SSH1: variants seen among roughly 807,000 people sequenced by gnomAD.
SSH1 encodes the protein slingshot protein phosphatase 1, also known as protein phosphatase Slingshot homolog 1.
Under a neutral mutation model 79.7 loss-of-function variants are expected in SSH1, and 43 were observed. That is an observed-to-expected ratio of 0.54 (90% CI 0.42 to 0.70). The LOEUF is 0.70. SSH1 is among the 30% of genes least tolerant of loss of function. The pLI is 0.00. For missense variants in SSH1, 1,206 were observed against 1,358.8 expected (o/e 0.89, Z 1.77); for synonymous variants, 599 against 538.3 (o/e 1.11, Z -1.56).
chr12:108,847,887 T>C (rs555669745), intron 2 of SSH1, among the ~76,000 whole-genome samples: 2 of 152,300 alleles, frequency 1.3e-5, no homozygotes, highest in African/African-American at 4.8e-5. Context: ...CTGTCACAGA[T>C]AGGGATGCCA....
At chr12:108,851,743 A>G (rs771425486) in intron 2 of SSH1, among the ~76,000 whole-genome samples, 4 of 152,174 alleles carry the variant, frequency 2.6e-5, no homozygotes, top group Non-Finnish European at 5.9e-5. Context: ...AGCACAATTA[A>G]AGCACCCTGA....
At chr12:108,792,029 G>C in intron 14 of SSH1, 1 of 1,429,302 alleles carries the variant, frequency 7.0e-7, no homozygotes. Flanking sequence ...ATGGTGTGCA[G>C]AGATATGTGT....
Position 108,780,387 on chromosome 12 carries a change from C to T in SSH1, c.*7601G>A, listed in dbSNP as rs953000002. 2.6e-5 allele frequency: 4 copies of T among 152,214 alleles called. No homozygotes were observed. The highest frequency in any genetic ancestry group is 5.9e-5 in the Non-Finnish European group (4 of 68,044). The allele number at this position is 152,214 out of a possible 1,614,324, so 9.4% of individuals were successfully genotyped here. ...AGCAGCCCATTACAGGAATATTGTC[C>T]TAGGGCCTTGAACAAATAAGTATCG... On this transcript the variant is annotated 3_prime_UTR_variant, in exon 15 of 15. Coordinates refer to ENST00000326495, the MANE Select transcript of SSH1 (RefSeq NM_018984.4).
chr12:108,823,385 C>CAG, intron 2 of SSH1, 24 bp from the exon 3 acceptor site: 1 of 1,542,932 alleles, frequency 6.5e-7, no homozygotes. Context: ...GACCAGAGCA[C>CAG]AGTTAGACCG....
chr12:108,844,825 C>G (rs2038861211), intron 2 of SSH1, among the ~76,000 whole-genome samples: 1 of 152,134 alleles, frequency 6.6e-6, no homozygotes, highest in Admixed American at 6.5e-5. Context: ...AAAATGAATT[C>G]AGGCCAGGCG....
intron 3 of SSH1, among the ~76,000 whole-genome samples, chr12:108,821,503 A>G (rs1260893530): frequency 1.3e-5 from 2 of 152,312 alleles, no homozygotes; most frequent in African/African-American, 4.8e-5. Context: ...ATATATATAT[A>G]CAGCACCTAC....
At chr12:108,803,489 G>A (rs1417203586) in intron 10 of SSH1, among the ~76,000 whole-genome samples, 1 of 76,660 alleles carries the variant, frequency 1.3e-5, no homozygotes, top group Non-Finnish European at 2.8e-5. Flanking sequence ...GTTCCCAAGA[G>A]GGCAGACCCC....
At position 108,805,475 on chromosome 12, in the gene SSH1, T is replaced by C. The variant is rs148772693; in HGVS notation, c.826-291A>G. The stretch of plus-strand genomic sequence containing the variant: ...TTTAAACTTACTTTTACTTTTATAA[T>C]TAAATGTCAAATACATCAAATAATC... On this transcript the variant is annotated intron_variant, in intron 9 of 14. Coordinates refer to ENST00000326495, the MANE Select transcript of SSH1 (RefSeq NM_018984.4). Among the ~76,000 whole-genome samples, 658 of 152,342 alleles carry C rather than the reference T, an allele frequency of 4.3e-3. 1 individual carries two copies. The highest frequency in any genetic ancestry group is 0.015 in the African/African-American group (616 of 41,572).
rs1051337217 is a variant in SSH1, at chr12:108,788,582, C to T, written c.2556G>A (p.Glu852=). ...PSRDGPASRL[E]ASIPEESQDP... ...CCTGGCTCTCCTCGGGGATGCTGGCCTCCAGCCTGCTGGCAGGGCCATCCC... is the reference window on the plus strand; with the variant it reads ...CCTGGCTCTCCTCGGGGATGCTGGCTTCCAGCCTGCTGGCAGGGCCATCCC... Residue 852 remains glutamate, a synonymous_variant, in exon 15 of 15, where the codon GAG becomes GAA. Transcript: ENST00000326495. The T allele has an allele frequency of 1.2e-6, 2 of 1,603,054 alleles. No homozygotes were observed. Among genetic ancestry groups the T allele is most frequent in the Admixed American group, 3.4e-5 (2 of 59,386 alleles).
chr12:108,799,646 C>A (rs2036902789), intron 12 of SSH1, among the ~76,000 whole-genome samples: 1 of 152,130 alleles, frequency 6.6e-6, no homozygotes, highest in South Asian at 2.1e-4. Flanking sequence ...TGAGTTACTG[C>A]AGAAAAATGG....
intron 5 of SSH1, among the ~76,000 whole-genome samples, chr12:108,815,691 A>G (rs990433843): frequency 6.6e-6 from 1 of 152,124 alleles, no homozygotes; most frequent in Admixed American, 6.5e-5. Flanking sequence ...GGCTCTTCAG[A>G]GCTCACATCC....
chr12:108,795,570 C>T (rs1288097481), intron 13 of SSH1, among the ~76,000 whole-genome samples: 1 of 150,068 alleles, frequency 6.7e-6, no homozygotes, highest in African/African-American at 2.4e-5. Context: ...AGCTAAAATA[C>T]ATATAATATA....
chr12:108,791,668 A>T (rs2036506384), intron 14 of SSH1, among the ~76,000 whole-genome samples: 1 of 152,128 alleles, frequency 6.6e-6, no homozygotes, highest in African/African-American at 2.4e-5. Context: ...CTGAGGTAGG[A>T]GGATCACTTG....
intron 2 of SSH1, 51 bp downstream of exon 2, chr12:108,852,587 C>T (rs2039064835): frequency 6.2e-7 from 1 of 1,609,814 alleles, no homozygotes; most frequent in South Asian, 1.1e-5. Flanking sequence ...AAGAGCATTC[C>T]TTACCTGCTT....
chr12:108,791,564 G>A (rs1332738886), intron 14 of SSH1, among the ~76,000 whole-genome samples: 1 of 152,128 alleles, frequency 6.6e-6, no homozygotes, highest in African/African-American at 2.4e-5. Context: ...CTTGAGACCA[G>A]GCTGGGCAAC....
chr12:108,784,281 G>T lies in SSH1; in HGVS notation c.*3707C>A, dbSNP rs890602501. On this transcript the variant is annotated 3_prime_UTR_variant, in exon 15 of 15. Transcript: ENST00000326495. The stretch of plus-strand genomic sequence containing the variant: ...TTCTGTTCAAGCTCAGCTCCACACT[G>T]CTGCAAACTCTGGACTTCTCCAGGG... 2.6e-5 allele frequency: 4 copies of T among 152,372 alleles called. No homozygotes were observed. The highest frequency in any genetic ancestry group is 9.6e-5 in the African/African-American group (4 of 41,456). 9.4% of individuals were successfully genotyped at this position (152,372 alleles called of 1,614,324 possible). A position where few individuals can be genotyped will look rare whatever the true frequency, so the allele number is the denominator to read the frequency against.
intron 2 of SSH1, among the ~76,000 whole-genome samples, chr12:108,851,666 T>C (rs2039042291): frequency 6.6e-6 from 1 of 152,200 alleles, no homozygotes; most frequent in South Asian, 2.1e-4. Context: ...TGTCCATTAG[T>C]GAATACATCA....
In SSH1 at chr12:108,784,791, G is replaced by A. The variant is rs567541420; in HGVS notation, c.*3197C>T. On this transcript the variant is annotated 3_prime_UTR_variant, in exon 15 of 15. Coordinates refer to ENST00000326495, the MANE Select transcript of SSH1 (RefSeq NM_018984.4). ...ATGCCACATGAATTAATGTGAGGCA[G>A]AAGATAAGATTCAGCTGTTTTTTAT... 4 of 152,354 alleles carry A rather than the reference G, an allele frequency of 2.6e-5. No homozygotes were observed. In the East Asian group the frequency reaches 7.7e-4, roughly 29 times the overall value. 9.4% of individuals were successfully genotyped at this position (152,354 alleles called of 1,614,324 possible). A position where few individuals can be genotyped will look rare whatever the true frequency, so the allele number is the denominator to read the frequency against.
Position 108,843,781 on chromosome 12 carries a change from C to T in SSH1, c.110+8857G>A, listed in dbSNP as rs546045221. The stretch of plus-strand genomic sequence containing the variant: ...AACTCCTGACCTCAAGTGATCCGCC[C>T]GCCTCGGCCTCCCAAAGTGCTAGGA... On this transcript the variant is annotated intron_variant, in intron 2 of 14. Transcript: ENST00000326495. Among the ~76,000 whole-genome samples, 75 of 152,240 alleles carry T rather than the reference C, an allele frequency of 4.9e-4. 1 individual carries two copies. The highest frequency in any genetic ancestry group is 3.4e-3 in the Middle Eastern group (1 of 294).
Sources: allele counts gnomAD v4.1 joint callset (sites outside exome capture counted in the v4.1 genomes callset), GRCh38; gene constraint gnomAD v4.1.1; transcripts MANE v1.5; gene names NCBI Gene and HGNC (gene_info 2026-07-23, HGNC 2026-07-21).